The following PCDHGA7 variants were observed in gnomAD, a reference collection of about 807,000 sequenced individuals.
PCDHGA7 encodes protocadherin gamma subfamily A, 7, also known as protocadherin gamma-A7.
Under a neutral mutation model 58.3 loss-of-function variants are expected in PCDHGA7, and 44 were observed. That is an observed-to-expected ratio of 0.75 (90% CI 0.59 to 0.97). The LOEUF (loss-of-function observed/expected upper bound fraction) is 0.97, where lower values mean the gene tolerates loss of function less well. Ranked by LOEUF, PCDHGA7 falls within the 50% of genes least tolerant of loss-of-function variation. PCDHGA7 has a pLI of 0.00. For missense variants in PCDHGA7, 1,266 were observed against 1,188.7 expected, an observed-to-expected ratio of 1.06 and a Z score of -0.96; for synonymous variants, 516 against 504.2, an observed-to-expected ratio of 1.02 and a Z score of -0.31.
chr5:141,507,631 C>T (rs1435446169), intron 3 of PCDHGA7, among the ~76,000 whole-genome samples: 4 of 152,236 alleles, frequency 2.6e-5, no homozygotes, highest in East Asian at 3.8e-4. Context: ...TGTGGCCTTG[C>T]GCCCTGAGGC....
chr5:141,460,995 A>ATG lies in PCDHGA7; in HGVS notation c.2425-33808_2425-33807dup, dbSNP rs1561986931. Among the ~76,000 whole-genome samples the ATG allele has an allele frequency of 5.3e-5, 8 of 150,188 alleles. No homozygotes were observed. The East Asian group carries it at 1.4e-3, about 26-fold the overall frequency. On this transcript the variant is annotated intron_variant, in intron 1 of 3. Transcript: ENST00000518325. ...TGTGTGTGTGTGTGTATATATATAT[A>ATG]TGTGTATATATATATACCACATTTT...
chr5:141,425,221 C>T (rs2096862694), intron 1 of PCDHGA7, among the ~76,000 whole-genome samples: 1 of 152,068 alleles, frequency 6.6e-6, no homozygotes, highest in African/African-American at 2.4e-5. Context: ...TGTACTTTGA[C>T]TGGAATTAGT....
intron 1 of PCDHGA7, chr5:141,422,204 GAGGTCTCTTTACCA>G: frequency 6.4e-7 from 1 of 1,562,138 alleles, no homozygotes. Flanking sequence ...CAAGATGGTG[GAGGTCTCTTTACCA>G]CCACGACGAT....
rs1230185523 is a variant in PCDHGA7, at chr5:141,413,155, G to C, written c.2424+27832G>C. 10 of 1,576,552 alleles carry C rather than the reference G, an allele frequency of 6.3e-6. No individual in the cohort carries two copies. The South Asian group carries it at 1.2e-4, about 18-fold the overall frequency. ...CAACGTGTCCAGTGAGGACTTTGCA[G>C]AATTCTGTAACCAGACTACAATGGC... On this transcript the variant is annotated intron_variant, in intron 1 of 3. Coordinates refer to ENST00000518325, the MANE Select transcript of PCDHGA7 (RefSeq NM_018920.4).
At chr5:141,423,471 G>A in intron 1 of PCDHGA7, 1 of 1,614,052 alleles carries the variant, frequency 6.2e-7, no homozygotes, top group South Asian at 1.1e-5. Context: ...ACGGGGTACA[G>A]GCTTTCCTGC....
intron 1 of PCDHGA7, chr5:141,417,791 C>T: frequency 6.7e-7 from 1 of 1,482,658 alleles, no homozygotes; most frequent in Non-Finnish European, 9.0e-7. Context: ...GCCGAATGCT[C>T]TTTTAGCGCG....
chr5:141,477,854 C>T lies in PCDHGA7; in HGVS notation c.2425-16953C>T. Reference sequence around the variant, plus strand: ...GCCAGGTGGGAGCTCGGTGGAGATGCTGCCTCGAGGTACCTCAGCTGGCCA... The same window carrying T: ...GCCAGGTGGGAGCTCGGTGGAGATGTTGCCTCGAGGTACCTCAGCTGGCCA... On this transcript the variant is annotated intron_variant, in intron 1 of 3. Transcript: ENST00000518325. This position sits in a 1 kb window ranked among gnomAD's most constrained non-coding sequence, Gnocchi z 4.9. 1.9e-6 allele frequency: 3 copies of T among 1,614,098 alleles called. No individual in the cohort carries two copies. The South Asian group carries it at 3.3e-5, about 18-fold the overall frequency.
At position 141,489,910 on chromosome 5, in the gene PCDHGA7, G is replaced by T; in HGVS notation, c.2425-4897G>T. ...GGATGGGGGGACCCCAGCCCGCTCA[G>T]GGACCACCCTTATCTCTGTCATCGT... On this transcript the variant is annotated intron_variant, in intron 1 of 3. Transcript: ENST00000518325. This position sits in a 1 kb window ranked among gnomAD's most constrained non-coding sequence, Gnocchi z 4.5. 1 of 1,614,226 alleles carries T rather than the reference G, an allele frequency of 6.2e-7. No homozygotes were observed. The highest frequency in any genetic ancestry group is 8.5e-7 in the Non-Finnish European group (1 of 1,180,030).
chr5:141,393,526 A>G, intron 1 of PCDHGA7: 3 of 1,613,974 alleles, frequency 1.9e-6, no homozygotes, highest in East Asian at 2.2e-5. Context: ...ACAAATGACA[A>G]TGCCCCGGTT....
chr5:141,433,299 T>G, intron 1 of PCDHGA7: 1 of 995,012 alleles, frequency 1.0e-6, no homozygotes, highest in Non-Finnish European at 1.5e-6. Flanking sequence ...GCTCAAGCAA[T>G]TATCCCACCT....
chr5:141,404,828 G>T, intron 1 of PCDHGA7: 1 of 1,609,938 alleles, frequency 6.2e-7, no homozygotes, highest in Non-Finnish European at 8.5e-7. Flanking sequence ...CACAGGTGAA[G>T]TGCGCACAGC....
In PCDHGA7 at chr5:141,384,215, T is replaced by C; in HGVS notation, c.1316T>C (p.Phe439Ser). The C allele has an allele frequency of 6.2e-7, 1 of 1,613,862 alleles. No homozygotes were observed. The highest frequency in any genetic ancestry group is 8.5e-7 in the Non-Finnish European group (1 of 1,179,882). The change falls in exon 1 of 4, where the codon TTC (phenylalanine) becomes TCC (serine). Residue 439 changes from phenylalanine to serine, a missense_variant. Coordinates refer to ENST00000518325, the MANE Select transcript of PCDHGA7 (RefSeq NM_018920.4). ...TPPLSRETHI[F>S]MQVADTNDNP... ...CCCTTGTCCAGGGAAACTCACATAT[T>C]CATGCAGGTGGCAGACACCAACGAT... is the stretch of plus-strand genomic sequence containing the variant.
chr5:141,420,405 T>C (rs1188012975), intron 1 of PCDHGA7: 7 of 1,241,232 alleles, frequency 5.6e-6, no homozygotes, highest in East Asian at 5.7e-5. Flanking sequence ...AAATTTATGG[T>C]TATCATTATT....
At position 141,383,057 on chromosome 5, in the gene PCDHGA7, G is replaced by A. The variant is rs1778763110; in HGVS notation, c.158G>A (p.Gly53Glu). Reference protein sequence around the residue: ...SFVGDIAKDLGLEPRELAERG... With the variant: ...SFVGDIAKDLELEPRELAERG... ...GTGGGAGACATCGCCAAGGACCTGG[G>A]GCTGGAGCCCCGGGAGCTGGCGGAG... The change falls in exon 1 of 4, where the codon GGG (glycine) becomes GAG (glutamate). Residue 53 changes from glycine (G) to glutamate (E), a missense_variant. Physicochemically the swap from Gly to Glu is moderately conservative, Grantham distance 98. Coordinates refer to ENST00000518325, the MANE Select transcript of PCDHGA7 (RefSeq NM_018920.4). The A allele has an allele frequency of 1.2e-6, 2 of 1,613,902 alleles. No homozygotes were observed. The highest frequency in any genetic ancestry group is 1.7e-6 in the Non-Finnish European group (2 of 1,179,908).
chr5:141,410,766 AG>A, intron 1 of PCDHGA7: 1 of 1,032,268 alleles, frequency 9.7e-7, no homozygotes, highest in Non-Finnish European at 1.3e-6. Context: ...TTTCAATTAT[AG>A]TTTTCACTAT....
At chr5:141,455,208 A>G (rs1450523873) in intron 1 of PCDHGA7, among the ~76,000 whole-genome samples, 1 of 151,996 alleles carries the variant, frequency 6.6e-6, no homozygotes, top group Non-Finnish European at 1.5e-5. Context: ...AACCAATAAG[A>G]GTTTTTAATG....
At chr5:141,478,725 A>C (rs2099473537) in intron 1 of PCDHGA7, 1 of 1,542,096 alleles carries the variant, frequency 6.5e-7, no homozygotes. Flanking sequence ...GGCCTGCCAG[A>C]GTGTGGTTTG....
intron 1 of PCDHGA7, chr5:141,395,489 A>T: frequency 4.2e-6 from 2 of 480,562 alleles, no homozygotes; most frequent in Non-Finnish European, 3.6e-6. Flanking sequence ...TCCTATTATC[A>T]CTCATTCACT....
chr5:141,451,579 A>G (rs1222576609), intron 1 of PCDHGA7, among the ~76,000 whole-genome samples: 1 of 152,084 alleles, frequency 6.6e-6, no homozygotes, highest in Non-Finnish European at 1.5e-5. Flanking sequence ...TTATAAACCT[A>G]ATTTTGAAAG....
Sources: gnomAD v4.1 joint callset for allele counts (sites outside exome capture counted in the v4.1 genomes callset) on GRCh38, gnomAD v4.1.1 for gene constraint, Gnocchi (gnomAD v3.1) non-coding constraint, MANE v1.5 for transcripts, NCBI Gene and HGNC (gene_info 2026-07-23, HGNC 2026-07-21) for gene names.